TMEM252: variants seen among roughly 807,000 people sequenced by gnomAD.
The protein encoded by TMEM252 is transmembrane protein 252, also known as transmembrane protein C9orf71.
A neutral mutation model predicts 6.4 loss-of-function variants in TMEM252; 4 were observed. The observed-to-expected ratio is 0.62, with a 90% CI of 0.31 to 1.43. TMEM252 has a LOEUF of 1.43. Among genes scored for constraint, TMEM252 ranks in the 40% most tolerant of loss-of-function variants. The probability of loss-of-function intolerance (pLI) is 0.07; values close to 1 mark genes in which losing one functional copy is unlikely to be tolerated. For synonymous variants in TMEM252, 85 were observed against 82.5 expected (o/e 1.03, Z -0.17); for missense variants, 207 against 209.4 (o/e 0.99, Z 0.07).
chr9:68,537,605 A>G (rs969579000), intron 1 of TMEM252, 112 bp from the exon 2 acceptor site: 2 of 807,274 alleles, frequency 2.5e-6, no homozygotes, highest in South Asian at 1.9e-5. Flanking sequence ...GTTAAGAAAC[A>G]TGGATTTTTG....
intron 1 of TMEM252, among the ~76,000 whole-genome samples, chr9:68,537,853 A>T (rs1825159986): frequency 6.6e-6 from 1 of 152,142 alleles, no homozygotes; most frequent in South Asian, 2.1e-4. Context: ...CTCTCTACCG[A>T]GTACTTAGTC....
At chr9:68,539,691 G>C (rs7861495) in intron 1 of TMEM252, among the ~76,000 whole-genome samples, 11,195 of 152,260 alleles carry the variant, frequency 0.074, 595 homozygotes, top group South Asian at 0.24. Context: ...CTCACCTGTT[G>C]ATGGACATTT....
intron 1 of TMEM252, among the ~76,000 whole-genome samples, chr9:68,538,249 G>C (rs1825164823): frequency 6.6e-6 from 1 of 152,164 alleles, no homozygotes; most frequent in Non-Finnish European, 1.5e-5. Context: ...GGGGAGAGGG[G>C]AGGAAGAGAG....
At chr9:68,537,914 C>T (rs576505021) in intron 1 of TMEM252, among the ~76,000 whole-genome samples, 5 of 152,320 alleles carry the variant, frequency 3.3e-5, no homozygotes, top group South Asian at 2.1e-4. Context: ...CTCAATTGCA[C>T]TCACTTTCTC....
rs41312182 is a variant in TMEM252, at chr9:68,537,108, T to A, written c.*151A>T. The A allele has an allele frequency of 1.6e-5, 11 of 689,752 alleles. No individual in the cohort carries two copies. Among genetic ancestry groups the A allele is most frequent in the Middle Eastern group, 3.9e-4 (1 of 2,594 alleles). The allele number at this position is 689,752 out of a possible 1,614,324, so 42.7% of individuals were successfully genotyped here. ...TGCCCTGCCCTGGCATGGCCAGTTA[T>A]GTCTGGAATTCAGGGCTGTCATCCC... is the stretch of plus-strand genomic sequence containing the variant. On this transcript the variant is annotated 3_prime_UTR_variant, in exon 2 of 2. Transcript: ENST00000377311.
chr9:68,537,548 G>C, intron 1 of TMEM252, 55 bp from the exon 2 acceptor site: 1 of 1,407,850 alleles, frequency 7.1e-7, no homozygotes, highest in Non-Finnish European at 9.7e-7. Context: ...TAATGCCAAA[G>C]AGGCAGACGG....
rs144558824 is a variant in TMEM252, at chr9:68,540,602, T to G, written c.213A>C (p.Gly71=). 6.2e-7 allele frequency: 1 copy of G among 1,614,162 alleles called. No homozygotes were observed. Among genetic ancestry groups the G allele is most frequent in the Non-Finnish European group, 8.5e-7 (1 of 1,180,024 alleles). The change falls in exon 1 of 2, where the codon GGA becomes GGC. Residue 71 remains glycine, a synonymous_variant. Transcript: ENST00000377311. The stretch of plus-strand genomic sequence containing the variant: ...GTTGTCGGAGCATGTGCCTCAACAC[T>G]CCTTTGCTTTCAGTCACCTGGCGAT... The part of the protein sequence containing the change: ...SNYRQVTESK[G]VLRHMLRQHL...
chr9:68,540,036 A>G (rs1825184323), intron 1 of TMEM252, among the ~76,000 whole-genome samples: 1 of 152,258 alleles, frequency 6.6e-6, no homozygotes, highest in African/African-American at 2.4e-5. Context: ...CCCTGAAGGA[A>G]TGTTTTATGC....
chr9:68,537,257 C>A lies in TMEM252; in HGVS notation c.*2G>T. On this transcript the variant is annotated 3_prime_UTR_variant, in exon 2 of 2. Coordinates refer to ENST00000377311, the MANE Select transcript of TMEM252 (RefSeq NM_153237.2). ...CATGAGTGCTGGAGAGCTTTCTCTGCCTCAGCACTCTTGGCCTCGCCTCTG... is the reference window on the plus strand; with the variant it reads ...CATGAGTGCTGGAGAGCTTTCTCTGACTCAGCACTCTTGGCCTCGCCTCTG... 1 of 1,603,768 alleles carries A rather than the reference C, an allele frequency of 6.2e-7. No individual in the cohort carries two copies. Among genetic ancestry groups the A allele is most frequent in the Non-Finnish European group, 8.5e-7 (1 of 1,176,556 alleles).
intron 1 of TMEM252, among the ~76,000 whole-genome samples, chr9:68,538,563 C>T (rs1825168523): frequency 6.6e-6 from 1 of 152,216 alleles, no homozygotes; most frequent in South Asian, 2.1e-4. Context: ...CTGCCTGCCC[C>T]AAATCCCAGC....
chr9:68,540,132 TC>T (rs1825185750), intron 1 of TMEM252, among the ~76,000 whole-genome samples: 1 of 152,226 alleles, frequency 6.6e-6, no homozygotes, highest in South Asian at 2.1e-4. Flanking sequence ...TATGCCTGCT[TC>T]TTCATTTGTT....
chr9:68,540,723 C>T lies in TMEM252; in HGVS notation c.92G>A (p.Gly31Asp), dbSNP rs2132129783. Residue 31 changes from glycine to aspartate, a missense_variant, in exon 1 of 2, where the codon GGC becomes GAC. Transcript: ENST00000377311. Reference protein sequence around the residue: ...VCLGAFFISWGSIFDCQGSLI... With the variant: ...VCLGAFFISWDSIFDCQGSLI... ...GCTCCCCTGACAGTCGAATATGGAGCCCCAGGAAATGAAGAAGGCCCCCAG... is the reference window on the plus strand; with the variant it reads ...GCTCCCCTGACAGTCGAATATGGAGTCCCAGGAAATGAAGAAGGCCCCCAG... 6.2e-7 allele frequency: 1 copy of T among 1,614,088 alleles called. No individual in the cohort carries two copies. The highest frequency in any genetic ancestry group is 8.5e-7 in the Non-Finnish European group (1 of 1,180,012).
At chr9:68,538,074 G>A (rs144227110) in intron 1 of TMEM252, among the ~76,000 whole-genome samples, 1 of 152,324 alleles carries the variant, frequency 6.6e-6, no homozygotes, top group East Asian at 1.9e-4. Flanking sequence ...TTTCTCAAAT[G>A]ATATCAACTG....
chr9:68,537,889 G>A (rs1435094997), intron 1 of TMEM252, among the ~76,000 whole-genome samples: 2 of 152,036 alleles, frequency 1.3e-5, no homozygotes, highest in African/African-American at 4.8e-5. Context: ...TCCCTTTCTC[G>A]CATGGCATCA....
At position 68,537,076 on chromosome 9, in the gene TMEM252, C is replaced by T; in HGVS notation, c.*183G>A. The T allele has an allele frequency of 1.8e-6, 1 of 558,186 alleles. No individual in the cohort carries two copies. The highest frequency in any genetic ancestry group is 3.1e-6 in the Non-Finnish European group (1 of 327,254). The allele number at this position is 558,186 out of a possible 1,614,324, so 34.6% of individuals were successfully genotyped here. ...GTGTTGGCCACACCCTTCCAGGGCCCCTGGCCTGCCCTGCCCTGGCATGGC... is the reference window on the plus strand; with the variant it reads ...GTGTTGGCCACACCCTTCCAGGGCCTCTGGCCTGCCCTGCCCTGGCATGGC... On this transcript the variant is annotated 3_prime_UTR_variant, in exon 2 of 2. Transcript: ENST00000377311.
chr9:68,538,920 C>T (rs766871294), intron 1 of TMEM252, among the ~76,000 whole-genome samples: 8 of 152,148 alleles, frequency 5.3e-5, no homozygotes, highest in Admixed American at 1.3e-4. Context: ...TAGAGGTAGT[C>T]CTCTAACATT....
rs1825198644 is a variant in TMEM252, at chr9:68,540,883, T to C, written c.-69A>G. 1 of 1,500,570 alleles carries C rather than the reference T, an allele frequency of 6.7e-7. No homozygotes were observed. The highest frequency in any genetic ancestry group is 1.4e-5 in the African/African-American group (1 of 72,312). 93.0% of individuals were successfully genotyped at this position (1,500,570 alleles called of 1,614,324 possible). A position where few individuals can be genotyped will look rare whatever the true frequency, so the allele number is the denominator to read the frequency against. On this transcript the variant is annotated 5_prime_UTR_variant, in exon 1 of 2. Transcript: ENST00000377311. ...TGCTTCCCTGCTTGCTCCAAGAGAA[T>C]GAGCTCATTAGCCAGCTTGCAGCTT... is the stretch of plus-strand genomic sequence containing the variant.
chr9:68,538,797 G>A, intron 1 of TMEM252, among the ~76,000 whole-genome samples: 1 of 152,156 alleles, frequency 6.6e-6, no homozygotes, highest in Non-Finnish European at 1.5e-5. Context: ...GGGGTGTTAC[G>A]ATGTCCATAA....
chr9:68,539,738 G>A (rs960427160), intron 1 of TMEM252, among the ~76,000 whole-genome samples: 1 of 152,228 alleles, frequency 6.6e-6, no homozygotes, highest in Non-Finnish European at 1.5e-5. Context: ...AAGCATTGGT[G>A]TACAAACATC....
Sources: gnomAD v4.1 joint callset for allele counts (sites outside exome capture counted in the v4.1 genomes callset) on GRCh38, gnomAD v4.1.1 for gene constraint, MANE v1.5 for transcripts, NCBI Gene and HGNC (gene_info 2026-07-23, HGNC 2026-07-21) for gene names.